BCAS2: variants seen among roughly 807,000 people sequenced by gnomAD.
BCAS2 encodes pre-mRNA-splicing factor SPF27.
BCAS2 carries 34 observed loss-of-function variants against 35.3 expected under a neutral mutation model. That is an observed-to-expected ratio of 0.96 (90% CI 0.73 to 1.28). The LOEUF is 1.28. Among genes scored for constraint, BCAS2 ranks in the 50% most tolerant of loss-of-function variants. The pLI is 0.00. For synonymous variants in BCAS2, 75 were observed against 91.6 expected (o/e 0.82, Z 1.03); for missense variants, 221 against 268.1 (o/e 0.82, Z 1.23).
chr1:114,577,751 C>T (rs1288564821), intron 2 of BCAS2, among the ~76,000 whole-genome samples: 3 of 152,162 alleles, frequency 2.0e-5, no homozygotes, highest in Non-Finnish European at 4.4e-5. Flanking sequence ...CATTTCCTAC[C>T]CTGAGGATAA....
intron 4 of BCAS2, among the ~76,000 whole-genome samples, chr1:114,571,382 C>T (rs908774532): frequency 2.6e-5 from 4 of 151,974 alleles, no homozygotes; most frequent in African/African-American, 9.7e-5. Flanking sequence ...AGGGGAGGGA[C>T]AGAGTCTTGC....
chr1:114,572,977 G>C (rs1310254897), intron 4 of BCAS2, among the ~76,000 whole-genome samples: 7 of 151,836 alleles, frequency 4.6e-5, no homozygotes, highest in Non-Finnish European at 7.4e-5. Context: ...GCCAGGCGTG[G>C]TGGTGTCTAT....
In BCAS2 at chr1:114,571,857, T is replaced by A. The variant is rs1444105400; in HGVS notation, c.420-1107A>T. ...TTGTAGAATGAGATATCAGTCCATA[T>A]TTGCATGTAACATATGCATAGCAAA... On this transcript the variant is annotated intron_variant, in intron 4 of 6. Coordinates refer to ENST00000369541, the MANE Select transcript of BCAS2 (RefSeq NM_005872.3). Among the ~76,000 whole-genome samples, 4 of 152,206 alleles carry A rather than the reference T, an allele frequency of 2.6e-5. No individual in the cohort carries two copies. In the East Asian group the frequency reaches 7.7e-4, roughly 29 times the overall value.
At chr1:114,573,276 C>T (rs979662098) in intron 4 of BCAS2, among the ~76,000 whole-genome samples, 5 of 151,778 alleles carry the variant, frequency 3.3e-5, no homozygotes, top group Non-Finnish European at 7.4e-5. Context: ...GAATGTTTTC[C>T]TTGTTTCCTT....
At chr1:114,578,595 T>C (rs1263664240) in intron 2 of BCAS2, among the ~76,000 whole-genome samples, 4 of 152,212 alleles carry the variant, frequency 2.6e-5, no homozygotes, top group African/African-American at 9.6e-5. Flanking sequence ...ATCTTAGCTT[T>C]GAGAGGCCTT....
chr1:114,568,356 C>T (rs1654568706), intron 6 of BCAS2, 100 bp from the exon 7 acceptor site: 1 of 1,220,516 alleles, frequency 8.2e-7, no homozygotes, highest in Non-Finnish European at 1.1e-6. Context: ...AGAGCTATAA[C>T]ACTAACCTTC....
intron 2 of BCAS2, among the ~76,000 whole-genome samples, chr1:114,577,254 C>T (rs1365912240): frequency 6.6e-6 from 1 of 152,116 alleles, no homozygotes; most frequent in Non-Finnish European, 1.5e-5. Flanking sequence ...CATGTAATGC[C>T]CTGTGCTGCT....
intron 3 of BCAS2, 99 bp from the exon 4 acceptor site, chr1:114,575,850 A>G: frequency 7.6e-7 from 1 of 1,320,480 alleles, no homozygotes; most frequent in Non-Finnish European, 1.0e-6. Flanking sequence ...ATAGTATAAA[A>G]ACTACAGAAG....
At chr1:114,579,134 G>A (rs543788717) in intron 2 of BCAS2, among the ~76,000 whole-genome samples, 20 of 152,168 alleles carry the variant, frequency 1.3e-4, no homozygotes, top group Admixed American at 2.6e-4. Flanking sequence ...AAATTAGTTG[G>A]GCATGGTAGT....
rs556276882 is a variant in BCAS2, at chr1:114,581,494, C to T, written c.93+5G>A. On this transcript the variant is annotated splice_donor_5th_base_variant and intron_variant, in intron 1 of 6. Coordinates refer to ENST00000369541, the MANE Select transcript of BCAS2 (RefSeq NM_005872.3). ...GAGTCAGCTACAAAGACACCCCGCA[C>T]TCACCGCTTCCCGCACACCAGGGGC... The T allele has an allele frequency of 1.9e-4, 306 of 1,614,062 alleles. No individual in the cohort carries two copies. The highest frequency in any genetic ancestry group is 2.5e-4 in the Non-Finnish European group (299 of 1,180,044).
chr1:114,576,525 C>A (rs978057560), intron 3 of BCAS2, among the ~76,000 whole-genome samples, 163 bp downstream of exon 3: 1 of 151,510 alleles, frequency 6.6e-6, no homozygotes, highest in Non-Finnish European at 1.5e-5. Flanking sequence ...TGGATTCAAG[C>A]AATCCACCAG....
chr1:114,571,189 G>A (rs537001384), intron 4 of BCAS2, among the ~76,000 whole-genome samples: 20 of 152,174 alleles, frequency 1.3e-4, no homozygotes, highest in Admixed American at 8.5e-4. Flanking sequence ...CAAGTAGCTG[G>A]GATTACAGGC....
intron 4 of BCAS2, among the ~76,000 whole-genome samples, chr1:114,574,106 A>C (rs983610716): frequency 3.3e-5 from 5 of 152,226 alleles, no homozygotes; most frequent in African/African-American, 1.2e-4. Flanking sequence ...ATAGACAATA[A>C]ATACTAAAGC....
chr1:114,573,031 C>A (rs939473477), intron 4 of BCAS2, among the ~76,000 whole-genome samples: 1 of 149,238 alleles, frequency 6.7e-6, no homozygotes, highest in Non-Finnish European at 1.5e-5. Flanking sequence ...GTTGCTTGAA[C>A]CCGGGAGGGT....
At chr1:114,569,187 G>A (rs1266303145) in intron 6 of BCAS2, among the ~76,000 whole-genome samples, 2 of 152,102 alleles carry the variant, frequency 1.3e-5, no homozygotes, top group African/African-American at 4.8e-5. Flanking sequence ...AAAGAGTGAT[G>A]AAGATAGTAT....
At position 114,577,171 on chromosome 1, in the gene BCAS2, G is replaced by A. The variant is rs567431174; in HGVS notation, c.187-413C>T. Among the ~76,000 whole-genome samples, 9 of 152,254 alleles carry A rather than the reference G, an allele frequency of 5.9e-5. 1 individual carries two copies. The South Asian group carries it at 1.7e-3, about 28-fold the overall frequency. ...TTATGAAGGCTCAATCCATTCATGGGTTAATAAGTTATCACCAGAGTGGGT... is the reference window on the plus strand; with the variant it reads ...TTATGAAGGCTCAATCCATTCATGGATTAATAAGTTATCACCAGAGTGGGT... On this transcript the variant is annotated intron_variant, in intron 2 of 6. Coordinates refer to ENST00000369541, the MANE Select transcript of BCAS2 (RefSeq NM_005872.3).
chr1:114,580,331 G>C (rs955297167), intron 2 of BCAS2, among the ~76,000 whole-genome samples: 1 of 152,160 alleles, frequency 6.6e-6, no homozygotes, highest in African/African-American at 2.4e-5. Flanking sequence ...CAATAATTTA[G>C]AAATGATATC....
intron 3 of BCAS2, 30 bp downstream of exon 3, chr1:114,576,658 A>G (rs1173151517): frequency 1.9e-6 from 3 of 1,560,692 alleles, no homozygotes; most frequent in Non-Finnish European, 2.6e-6. Flanking sequence ...ACTACAAACT[A>G]AATTTTAATT....
At position 114,568,245 on chromosome 1, in the gene BCAS2, A is replaced by G. The variant is rs764263357; in HGVS notation, c.563T>C (p.Leu188Pro). 7 of 1,613,196 alleles carry G rather than the reference A, an allele frequency of 4.3e-6. No homozygotes were observed. Among genetic ancestry groups the G allele is most frequent in the Non-Finnish European group, 5.9e-6 (7 of 1,179,768 alleles). ...LREMESNWVS[L>P]VSKNYEIERT... Reference sequence around the variant, plus strand: ...TTCAATCTCATAATTCTTACTGACCAGGGATACCCAACTAGAATGGGGGGG... The same window carrying G: ...TTCAATCTCATAATTCTTACTGACCGGGGATACCCAACTAGAATGGGGGGG... The change falls in exon 7 of 7, where the codon CTG becomes CCG. Residue 188 changes from leucine to proline, a missense_variant. Coordinates refer to ENST00000369541, the MANE Select transcript of BCAS2 (RefSeq NM_005872.3).
Sources: allele counts gnomAD v4.1 joint callset (sites outside exome capture counted in the v4.1 genomes callset), GRCh38; gene constraint gnomAD v4.1.1; transcripts MANE v1.5; gene names NCBI Gene and HGNC (gene_info 2026-07-23, HGNC 2026-07-21).